Variants in DNAJC7 observed in about 807,000 individuals in gnomAD.
The protein encoded by DNAJC7 is DnaJ heat shock protein family (Hsp40) member C7, also known as dnaJ homolog subfamily C member 7.
DNAJC7 carries 18 observed loss-of-function variants against 67.4 expected under a neutral mutation model. That is an observed-to-expected ratio of 0.27 (90% CI 0.18 to 0.40). DNAJC7 has a LOEUF of 0.40. Ranked by LOEUF, DNAJC7 falls within the 10% of genes least tolerant of loss-of-function variation. DNAJC7 has a pLI of 1.00. For missense variants in DNAJC7, 419 were observed against 613.8 expected (o/e 0.68, Z 3.35); for synonymous variants, 220 against 207.8 (o/e 1.06, Z -0.50).
intron 13 of DNAJC7, 83 bp downstream of exon 13, chr17:41,977,178 C>A: frequency 7.1e-7 from 1 of 1,401,328 alleles, no homozygotes; most frequent in South Asian, 1.3e-5. Context: ...ATGGGCCCCT[C>A]TGACTCCCAA....
At chr17:41,976,891 G>A in intron 13 of DNAJC7, 121 bp from the exon 14 acceptor site, 1 of 1,285,850 alleles carries the variant, frequency 7.8e-7, no homozygotes. Context: ...GAAACTCTAT[G>A]GGTATCAAAC....
At chr17:42,008,169 G>A (rs1036632550) in intron 1 of DNAJC7, among the ~76,000 whole-genome samples, 41 of 151,046 alleles carry the variant, frequency 2.7e-4, no homozygotes, top group African/African-American at 7.5e-4. Context: ...AAAATTAGCC[G>A]GGCATGATGG....
chr17:41,996,239 G>A lies in DNAJC7; in HGVS notation c.405+72C>T, dbSNP rs1006899095. 2.3e-5 allele frequency: 34 copies of A among 1,504,274 alleles called. 1 individual carries two copies. In the South Asian group the frequency reaches 2.8e-4, roughly 12 times the overall value. 93.2% of individuals were successfully genotyped at this position (1,504,274 alleles called of 1,614,324 possible). On this transcript the variant is annotated intron_variant, in intron 4 of 13. Coordinates refer to ENST00000457167, the MANE Select transcript of DNAJC7 (RefSeq NM_003315.4). The stretch of plus-strand genomic sequence containing the variant: ...AGAAGTGAGACTAGACCTCAGTTCC[G>A]ACTTTCAAGTAGCCACTCCTCCCAA...
chr17:41,996,593 G>T (rs1220299093), intron 3 of DNAJC7, among the ~76,000 whole-genome samples, 169 bp from the exon 4 acceptor site: 1 of 152,182 alleles, frequency 6.6e-6, no homozygotes, highest in African/African-American at 2.4e-5. Context: ...CTCACTTGGG[G>T]TCAGGAGTTT....
At chr17:42,006,495 G>A (rs1392801401) in intron 1 of DNAJC7, among the ~76,000 whole-genome samples, 1 of 151,602 alleles carries the variant, frequency 6.6e-6, no homozygotes, top group East Asian at 1.9e-4. Flanking sequence ...GTGAGACCCT[G>A]CCTTTAAAAA....
chr17:41,977,469 G>A (rs2051120181), intron 12 of DNAJC7, 146 bp from the exon 13 acceptor site: 5 of 701,224 alleles, frequency 7.1e-6, no homozygotes, highest in Non-Finnish European at 2.4e-6. Flanking sequence ...CAGACTGCAA[G>A]TGAGCAAACC....
At chr17:41,986,878 T>G (rs948654769) in intron 9 of DNAJC7, among the ~76,000 whole-genome samples, 6 of 152,208 alleles carry the variant, frequency 3.9e-5, no homozygotes, top group Admixed American at 6.5e-5. Context: ...TCTGTACCAC[T>G]GATGAGACAA....
chr17:41,976,523 G>C lies in DNAJC7; in HGVS notation c.*210C>G. 1 of 532,252 alleles carries C rather than the reference G, an allele frequency of 1.9e-6. No individual in the cohort carries two copies. Among genetic ancestry groups the C allele is most frequent in the Non-Finnish European group, 3.2e-6 (1 of 309,468 alleles). The allele number at this position is 532,252 out of a possible 1,614,324, so 33.0% of individuals were successfully genotyped here. Reference sequence around the variant, plus strand: ...ACAAAAATTCACAAGCTGCCTCCCTGTCCACCCCCGCCTCCCTCCCCTGCC... The same window carrying C: ...ACAAAAATTCACAAGCTGCCTCCCTCTCCACCCCCGCCTCCCTCCCCTGCC... On this transcript the variant is annotated 3_prime_UTR_variant, in exon 14 of 14. Coordinates refer to ENST00000457167, the MANE Select transcript of DNAJC7 (RefSeq NM_003315.4).
intron 9 of DNAJC7, among the ~76,000 whole-genome samples, chr17:41,983,935 C>T (rs1555646396): frequency 6.6e-6 from 1 of 152,228 alleles, no homozygotes; most frequent in East Asian, 1.9e-4. Context: ...AGGTACTGGA[C>T]TGCCTTAGAA....
intron 1 of DNAJC7, chr17:42,011,878 A>C (rs2052126077): frequency 6.6e-6 from 1 of 152,262 alleles, no homozygotes; most frequent in South Asian, 2.1e-4. Context: ...AAGCTGCAGC[A>C]AACGAACAGC....
In DNAJC7 at chr17:42,001,660, G is replaced by A. The variant is rs4796753; in HGVS notation, c.78-1090C>T. Among the ~76,000 whole-genome samples the A allele has an allele frequency of 2.6e-5, 4 of 152,232 alleles. No homozygotes were observed. In the South Asian group the frequency reaches 6.2e-4, roughly 24 times the overall value. On this transcript the variant is annotated intron_variant, in intron 1 of 13. Coordinates refer to ENST00000457167, the MANE Select transcript of DNAJC7 (RefSeq NM_003315.4). ...TCACATGCAAAAAAGAACCTAGTTCGGGGTTGCCTGAAGTTGAGGCAAAAG... is the reference window on the plus strand; with the variant it reads ...TCACATGCAAAAAAGAACCTAGTTCAGGGTTGCCTGAAGTTGAGGCAAAAG...
At chr17:41,986,872 T>C (rs1336607354) in intron 9 of DNAJC7, among the ~76,000 whole-genome samples, 2 of 152,172 alleles carry the variant, frequency 1.3e-5, no homozygotes, top group Admixed American at 1.3e-4. Context: ...AGATATTCTG[T>C]ACCACTGATG....
At chr17:41,990,126 C>A (rs2051476135) in intron 6 of DNAJC7, 138 bp downstream of exon 6, 1 of 771,770 alleles carries the variant, frequency 1.3e-6, no homozygotes, top group South Asian at 1.8e-5. Context: ...CTGGTCTAAT[C>A]TTTGACTTTA....
intron 1 of DNAJC7, among the ~76,000 whole-genome samples, chr17:42,005,943 A>C (rs1022289894): frequency 6.9e-6 from 1 of 144,604 alleles, no homozygotes. Context: ...TTATTTATTT[A>C]TTTAATTTTT....
intron 6 of DNAJC7, 128 bp downstream of exon 6, chr17:41,990,136 A>G (rs2051476401): frequency 1.2e-6 from 1 of 834,636 alleles, no homozygotes; most frequent in Admixed American, 2.4e-5. Context: ...CTTTGACTTT[A>G]AGTCCCAAGA....
intron 9 of DNAJC7, chr17:41,985,811 A>G (rs1252643056): frequency 6.6e-6 from 1 of 152,122 alleles, no homozygotes; most frequent in Non-Finnish European, 1.5e-5. Context: ...CTGCTTCAGG[A>G]GATTGTTGCC....
chr17:41,986,068 A>AAAG (rs1555646744), intron 9 of DNAJC7: 1 of 146,070 alleles, frequency 6.8e-6, no homozygotes, highest in Non-Finnish European at 1.5e-5. Context: ...AAAAAAAAAA[A>AAAG]AAAAAAAAAA....
In DNAJC7 at chr17:41,988,043, C is replaced by A. The variant is rs1022687970; in HGVS notation, c.919-133G>T. 3.1e-5 allele frequency: 22 copies of A among 716,090 alleles called. No homozygotes were observed. The East Asian group carries it at 6.0e-4, about 19-fold the overall frequency. 44.4% of individuals were successfully genotyped at this position (716,090 alleles called of 1,614,324 possible). ...TTAAATGTCATATTAAGTTCTAGTT[C>A]TTTGTCACCAGGGCTATGGACAGCA... is the stretch of plus-strand genomic sequence containing the variant. On this transcript the variant is annotated intron_variant, in intron 8 of 13. Coordinates refer to ENST00000457167, the MANE Select transcript of DNAJC7 (RefSeq NM_003315.4).
At position 41,987,974 on chromosome 17, in the gene DNAJC7, G is replaced by A. The variant is rs565783438; in HGVS notation, c.919-64C>T. ...GTGACTGAGGGAGCCCAGAAGCTGTGAGCATGGCTTCAAAACTCTAAGAGG... is the reference window on the plus strand; with the variant it reads ...GTGACTGAGGGAGCCCAGAAGCTGTAAGCATGGCTTCAAAACTCTAAGAGG... On this transcript the variant is annotated intron_variant, in intron 8 of 13. Coordinates refer to ENST00000457167, the MANE Select transcript of DNAJC7 (RefSeq NM_003315.4). 4 of 1,379,236 alleles carry A rather than the reference G, an allele frequency of 2.9e-6. No homozygotes were observed. In the South Asian group the frequency reaches 4.9e-5, roughly 17 times the overall value. 85.4% of individuals were successfully genotyped at this position (1,379,236 alleles called of 1,614,324 possible). A position where few individuals can be genotyped will look rare whatever the true frequency, so the allele number is the denominator to read the frequency against.
Sources: gnomAD v4.1 joint callset for allele counts (sites outside exome capture counted in the v4.1 genomes callset) on GRCh38, gnomAD v4.1.1 for gene constraint, MANE v1.5 for transcripts, NCBI Gene and HGNC (gene_info 2026-07-23, HGNC 2026-07-21) for gene names.